ATP2C1: variants seen among roughly 807,000 people sequenced by gnomAD.
The protein encoded by ATP2C1 is ATPase secretory pathway Ca2+ transporting 1.
In ATP2C1, 31 loss-of-function variants were observed where a neutral mutation model predicts 120.5. That is an observed-to-expected ratio of 0.26 (90% CI 0.19 to 0.35). The LOEUF (loss-of-function observed/expected upper bound fraction) is 0.35. Ranked by LOEUF, ATP2C1 falls within the 10% of genes least tolerant of loss-of-function variation. The pLI is 1.00. For synonymous variants in ATP2C1, 351 were observed against 358.7 expected (o/e 0.98, Z 0.24); for missense variants, 731 against 1,107.5 (o/e 0.66, Z 4.83).
intron 14 of ATP2C1, 140 bp from the exon 15 acceptor site, chr3:130,967,004 TG>T: frequency 1.4e-6 from 1 of 715,342 alleles, no homozygotes; most frequent in East Asian, 2.5e-5. Context: ...CAAATTTTAA[TG>T]CTTTTCTAGG....
At chr3:130,962,785 G>C (rs1421640723) in intron 12 of ATP2C1, 1 of 149,686 alleles carries the variant, frequency 6.7e-6, no homozygotes, top group Admixed American at 6.7e-5. Context: ...CATTCTCTTT[G>C]AGTAGCCCAA....
chr3:131,001,376 A>G lies in ATP2C1; in HGVS notation c.*26A>G. ...TGCATATTGCATTATTTTATTTGCA[A>G]ACTAGGAATTGCAGTCTGAGGATCA... On this transcript the variant is annotated 3_prime_UTR_variant, in exon 28 of 28. Transcript: ENST00000510168. 2.5e-6 allele frequency: 4 copies of G among 1,610,052 alleles called. No homozygotes were observed. Among genetic ancestry groups the G allele is most frequent in the Non-Finnish European group, 3.4e-6 (4 of 1,177,760 alleles).
At chr3:130,969,263 A>G (rs1402440122) in intron 16 of ATP2C1, 29 bp from the exon 17 acceptor site, 1 of 1,479,620 alleles carries the variant, frequency 6.8e-7, no homozygotes, top group African/African-American at 1.4e-5. Context: ...CATATAGGTG[A>G]GAATTAACTT....
At chr3:130,919,515 G>A (rs530629910) in intron 2 of ATP2C1, among the ~76,000 whole-genome samples, 133 of 152,102 alleles carry the variant, frequency 8.7e-4, no homozygotes, top group African/African-American at 3.1e-3. Context: ...TACCACGCCC[G>A]GCCTAGAGTT....
At chr3:130,887,799 C>T (rs941285792) in intron 1 of ATP2C1, among the ~76,000 whole-genome samples, 8 of 152,170 alleles carry the variant, frequency 5.3e-5, no homozygotes, top group Non-Finnish European at 8.8e-5. Context: ...GGGGACTTCA[C>T]GAGCCCACTT....
At chr3:130,861,034 C>A (rs1375593075) in intron 1 of ATP2C1, among the ~76,000 whole-genome samples, 1 of 152,160 alleles carries the variant, frequency 6.6e-6, no homozygotes, top group Non-Finnish European at 1.5e-5. Flanking sequence ...CTTTGAGAGG[C>A]TGAGGTGGGT....
chr3:130,909,318 T>C lies in ATP2C1; in HGVS notation c.6+14543T>C, dbSNP rs115657920. On this transcript the variant is annotated intron_variant, in intron 2 of 27. Transcript: ENST00000510168. ...ATCTCTCCTAGAAACTTCCTGGTGA[T>C]TGGAAACTTTTTATCTGTTGATGCT... is the stretch of plus-strand genomic sequence containing the variant. Among the ~76,000 whole-genome samples, 737 of 152,322 alleles carry C rather than the reference T, an allele frequency of 4.8e-3. 8 individuals are homozygous for C. The highest frequency in any genetic ancestry group is 0.017 in the African/African-American group (694 of 41,574).
intron 5 of ATP2C1, among the ~76,000 whole-genome samples, chr3:130,936,808 CT>C (rs1269784207): frequency 2.5e-5 from 3 of 120,668 alleles, no homozygotes; most frequent in Non-Finnish European, 3.4e-5. Context: ...TAGAGCAAGA[CT>C]CTGTCTCAAA....
intron 26 of ATP2C1, chr3:131,013,957 G>T: frequency 1.3e-6 from 1 of 788,966 alleles, no homozygotes. Context: ...TCCCCTAACA[G>T]GTCAGTCCTA....
intron 2 of ATP2C1, chr3:130,914,389 G>C (rs2058587527): frequency 6.6e-6 from 1 of 151,914 alleles, no homozygotes; most frequent in Admixed American, 6.6e-5. Context: ...GAGTAGAAAG[G>C]TGTTGGATCT....
intron 2 of ATP2C1, among the ~76,000 whole-genome samples, chr3:130,911,049 T>C (rs930843508): frequency 3.5e-4 from 53 of 152,162 alleles, no homozygotes; most frequent in African/African-American, 1.2e-3. Context: ...GTACCTCTGA[T>C]AGAATTTGGC....
chr3:130,867,850 G>A (rs1184331107), intron 1 of ATP2C1, among the ~76,000 whole-genome samples: 1 of 145,118 alleles, frequency 6.9e-6, no homozygotes, highest in Non-Finnish European at 1.5e-5. Flanking sequence ...AGCGAGGAGC[G>A]CCTCTTCCCC....
chr3:130,918,237 A>AG (rs2058773225), intron 2 of ATP2C1: 1 of 1,486,122 alleles, frequency 6.7e-7, no homozygotes, highest in Non-Finnish European at 9.4e-7. Context: ...CATGAACAAG[A>AG]GCCCTCTCCT....
chr3:130,886,338 G>C (rs1278857437), intron 1 of ATP2C1, among the ~76,000 whole-genome samples: 1 of 151,980 alleles, frequency 6.6e-6, no homozygotes, highest in Non-Finnish European at 1.5e-5. Flanking sequence ...AATCTGCTTG[G>C]TGTTCTACAG....
At chr3:131,010,981 C>A (rs1000696611) in intron 26 of ATP2C1, among the ~76,000 whole-genome samples, 3 of 152,168 alleles carry the variant, frequency 2.0e-5, no homozygotes, top group Non-Finnish European at 4.4e-5. Flanking sequence ...CTTAAATATA[C>A]TTGTTATTGT....
At chr3:130,961,868 G>A (rs916421030) in intron 12 of ATP2C1, among the ~76,000 whole-genome samples, 1 of 151,978 alleles carries the variant, frequency 6.6e-6, no homozygotes, top group East Asian at 1.9e-4. Context: ...GTAATGATGT[G>A]GGTGAAATTA....
chr3:130,853,711 C>G (rs2067749123), intron 1 of ATP2C1, among the ~76,000 whole-genome samples: 1 of 152,180 alleles, frequency 6.6e-6, no homozygotes, highest in Non-Finnish European at 1.5e-5. Context: ...CAGACACAGC[C>G]CTTACTACAT....
At chr3:130,922,121 C>G (rs2058997444) in intron 2 of ATP2C1, among the ~76,000 whole-genome samples, 1 of 151,992 alleles carries the variant, frequency 6.6e-6, no homozygotes, top group Non-Finnish European at 1.5e-5. Context: ...TTTTTCATTC[C>G]TGTTTCAGTC....
At chr3:130,991,446 T>C (rs1167537859) in intron 20 of ATP2C1, among the ~76,000 whole-genome samples, 1 of 152,002 alleles carries the variant, frequency 6.6e-6, no homozygotes, top group Non-Finnish European at 1.5e-5. Context: ...GGCTACTTGC[T>C]AAGGAGCTCT....
Sources: gnomAD v4.1 joint callset for allele counts (sites outside exome capture counted in the v4.1 genomes callset) on GRCh38, gnomAD v4.1.1 for gene constraint, MANE v1.5 for transcripts, NCBI Gene and HGNC (gene_info 2026-07-23, HGNC 2026-07-21) for gene names.